Variants in ZNF10 observed in about 807,000 individuals in gnomAD.
The protein encoded by ZNF10 is zinc finger protein 10, also known as zinc finger protein 10 (KOX 1).
A neutral mutation model predicts 12.2 loss-of-function variants in ZNF10; 8 were observed. The observed-to-expected ratio is 0.66, with a 90% CI of 0.39 to 1.18. The LOEUF is 1.18. ZNF10 is among the 50% of genes most tolerant of loss of function. The pLI, the probability that ZNF10 is intolerant of heterozygous loss-of-function variation, is 0.01. For missense variants in ZNF10, 603 were observed against 678.9 expected (o/e 0.89, Z 1.24); for synonymous variants, 229 against 228.2 (o/e 1.00, Z -0.03).
At chr12:133,148,685 A>G (rs1269609300) in intron 2 of ZNF10, among the ~76,000 whole-genome samples, 2 of 150,560 alleles carry the variant, frequency 1.3e-5, no homozygotes, top group Admixed American at 6.6e-5. Context: ...TAGTGTTTCC[A>G]TAGTATATCT....
intron 1 of ZNF10, chr12:133,143,907 T>G (rs1389565366): frequency 6.6e-6 from 1 of 152,360 alleles, no homozygotes; most frequent in African/African-American, 2.4e-5. Context: ...ATTCAGTTCC[T>G]TGTGGCTGCA....
intron 1 of ZNF10, among the ~76,000 whole-genome samples, chr12:133,131,603 C>G (rs1195086853): frequency 6.6e-6 from 1 of 152,126 alleles, no homozygotes; most frequent in African/African-American, 2.4e-5. Flanking sequence ...TCCTCCCTAC[C>G]CTTTTGAAAA....
intron 4 of ZNF10, among the ~76,000 whole-genome samples, chr12:133,153,413 C>T (rs11614654): frequency 0.32 from 49,029 of 151,964 alleles, 8,442 homozygotes; most frequent in African/African-American, 0.45. Flanking sequence ...ATTCTTATGA[C>T]CAAACTCTCC....
chr12:133,147,340 G>A (rs531436949), intron 2 of ZNF10, among the ~76,000 whole-genome samples: 51 of 152,304 alleles, frequency 3.3e-4, no homozygotes, highest in African/African-American at 1.0e-3. Context: ...ATTTTCCAAA[G>A]TGGTTGTAGC....
chr12:133,157,022 T>C lies in ZNF10; in HGVS notation c.*54T>C. On this transcript the variant is annotated 3_prime_UTR_variant, in exon 5 of 5. Coordinates refer to ENST00000248211, the MANE Select transcript of ZNF10 (RefSeq NM_015394.5). ...ATGACTTTATTTTGCATTGGAGAAC[T>C]CCTGGAGATAAGCTGTACAAATTGA... 2.2e-6 allele frequency: 3 copies of C among 1,358,182 alleles called. No homozygotes were observed. Among genetic ancestry groups the C allele is most frequent in the Non-Finnish European group, 2.9e-6 (3 of 1,041,510 alleles). 84.1% of individuals were successfully genotyped at this position (1,358,182 alleles called of 1,614,324 possible).
At position 133,156,065 on chromosome 12, in the gene ZNF10, C is replaced by G; in HGVS notation, c.819C>G (p.Phe273Leu). The change falls in exon 5 of 5, where the codon TTC becomes TTG. Residue 273 changes from phenylalanine (F) to leucine (L), a missense_variant. Phe to Leu is a conservative substitution (Grantham distance 22). Transcript: ENST00000248211. ...ATGAATGTAAGGAATGTGGAAAATT[C>G]TTCAGCTGGCGCTCTAATCTTACTA... ...KPYECKECGKFFSWRSNLTRH... is the reference protein window; with the variant it reads ...KPYECKECGKLFSWRSNLTRH... 6.2e-7 allele frequency: 1 copy of G among 1,613,340 alleles called. No homozygotes were observed. The highest frequency in any genetic ancestry group is 1.3e-5 in the African/African-American group (1 of 75,018).
intron 1 of ZNF10, among the ~76,000 whole-genome samples, chr12:133,136,170 G>T (rs942861859): frequency 6.6e-6 from 1 of 152,116 alleles, no homozygotes; most frequent in Non-Finnish European, 1.5e-5. Context: ...CTTCATCAGA[G>T]ATTTGACCCC....
At chr12:133,134,469 A>G (rs896080397) in intron 1 of ZNF10, among the ~76,000 whole-genome samples, 1 of 152,186 alleles carries the variant, frequency 6.6e-6, no homozygotes, top group Non-Finnish European at 1.5e-5. Context: ...GACGGGGGCA[A>G]GGAAATAGAT....
intron 1 of ZNF10, among the ~76,000 whole-genome samples, chr12:133,137,692 T>C (rs771656397): frequency 6.6e-6 from 1 of 152,190 alleles, no homozygotes; most frequent in Non-Finnish European, 1.5e-5. Context: ...CTGCTTGAGG[T>C]AAGGGATTAA....
intron 1 of ZNF10, among the ~76,000 whole-genome samples, chr12:133,142,984 C>T (rs1269930923): frequency 6.6e-6 from 1 of 152,110 alleles, no homozygotes; most frequent in Admixed American, 6.6e-5. Context: ...AAAATGTAGT[C>T]TCTACACAGT....
At chr12:133,153,984 C>T (rs1345375754) in intron 4 of ZNF10, among the ~76,000 whole-genome samples, 1 of 152,158 alleles carries the variant, frequency 6.6e-6, no homozygotes, top group Non-Finnish European at 1.5e-5. Flanking sequence ...GGACCACCCT[C>T]ATACTGGATT....
chr12:133,132,081 G>A (rs542995961), intron 1 of ZNF10, among the ~76,000 whole-genome samples: 2 of 152,178 alleles, frequency 1.3e-5, no homozygotes, highest in South Asian at 4.1e-4. Flanking sequence ...CAACAAGTTA[G>A]CACATACTTT....
chr12:133,156,347 C>T lies in ZNF10; in HGVS notation c.1101C>T (p.His367=), dbSNP rs752591793. 2.5e-6 allele frequency: 4 copies of T among 1,613,898 alleles called. No individual in the cohort carries two copies. The African/African-American group carries it at 4.0e-5, about 16-fold the overall frequency. Residue 367 remains histidine, a synonymous_variant, in exon 5 of 5, where the codon CAC becomes CAT. Coordinates refer to ENST00000248211, the MANE Select transcript of ZNF10 (RefSeq NM_015394.5). ...TTCATAGCTCTAGGCTTATTAGACA[C>T]CAGAGGACACATACTGGAGAGAAAC... is the stretch of plus-strand genomic sequence containing the variant. The part of the protein sequence containing the change: ...SFVHSSRLIR[H]QRTHTGEKPY...
In ZNF10 at chr12:133,150,904, T is replaced by C; in HGVS notation, c.34-124T>C. The C allele has an allele frequency of 5.2e-6, 6 of 1,154,676 alleles. 1 individual carries two copies. Among genetic ancestry groups the C allele is most frequent in the South Asian group, 3.7e-5 (2 of 54,200 alleles). 71.5% of individuals were successfully genotyped at this position (1,154,676 alleles called of 1,614,324 possible). On this transcript the variant is annotated intron_variant, in intron 2 of 4. Coordinates refer to ENST00000248211, the MANE Select transcript of ZNF10 (RefSeq NM_015394.5). ...AAATACTACTCACTCCTAGAATAAA[T>C]TGTGGTCCATCCACTTTACCTGCCC...
intron 1 of ZNF10, among the ~76,000 whole-genome samples, chr12:133,140,158 G>A (rs77516785): frequency 0.2 from 28,268 of 140,780 alleles, 3,499 homozygotes; most frequent in Non-Finnish European, 0.27. Context: ...AGCTGTGTTC[G>A]TGCCACTGTA....
At chr12:133,150,963 C>T (rs1956003316) in intron 2 of ZNF10, 65 bp from the exon 3 acceptor site, 14 of 1,546,184 alleles carry the variant, frequency 9.1e-6, no homozygotes, top group Middle Eastern at 1.7e-4. Flanking sequence ...TTCCTGTTAG[C>T]GATCAGGAAA....
At chr12:133,154,665 T>C (rs1043608237) in intron 4 of ZNF10, among the ~76,000 whole-genome samples, 3 of 152,224 alleles carry the variant, frequency 2.0e-5, no homozygotes, top group African/African-American at 7.2e-5. Context: ...CTCTTCCACC[T>C]TGTCATGTAG....
rs548709937 is a variant in ZNF10, at chr12:133,136,499, C to T, written c.-60+5745C>T. ...GTTCTCTTTATCTGGAGGTTCTCTG[C>T]CTCCTTTTTGGGCTTCTCTTTTATT... On this transcript the variant is annotated intron_variant, in intron 1 of 4. Coordinates refer to ENST00000248211, the MANE Select transcript of ZNF10 (RefSeq NM_015394.5). Among the ~76,000 whole-genome samples, 25 of 152,292 alleles carry T rather than the reference C, an allele frequency of 1.6e-4. No individual in the cohort carries two copies. In the Middle Eastern group the frequency reaches 0.01, roughly 62 times the overall value.
Position 133,155,561 on chromosome 12 carries a change from T to C in ZNF10, c.315T>C (p.Asp105=), listed in dbSNP as rs1363351322. The change falls in exon 5 of 5, where the codon GAT becomes GAC. Residue 105 remains aspartate, a synonymous_variant. Coordinates refer to ENST00000248211, the MANE Select transcript of ZNF10 (RefSeq NM_015394.5). The stretch of plus-strand genomic sequence containing the variant: ...TTTCCAGCAGGAGCATTTTTAAAGA[T>C]AAGCAATCCTGTGACATTAAAATGG... The part of the protein sequence containing the change: ...SSVSSRSIFK[D]KQSCDIKMEG... 1.9e-6 allele frequency: 3 copies of C among 1,603,972 alleles called. No individual in the cohort carries two copies. The highest frequency in any genetic ancestry group is 1.1e-5 in the South Asian group (1 of 88,244).
Sources: gnomAD v4.1 joint callset for allele counts (sites outside exome capture counted in the v4.1 genomes callset) on GRCh38, gnomAD v4.1.1 for gene constraint, MANE v1.5 for transcripts, NCBI Gene and HGNC (gene_info 2026-07-23, HGNC 2026-07-21) for gene names.